Variants in NCAM2 observed in about 807,000 individuals in gnomAD.
The protein encoded by NCAM2 is N-CAM-2.
In NCAM2, 30 loss-of-function variants were observed where a neutral mutation model predicts 98.1. That is an observed-to-expected ratio of 0.31 (90% CI 0.23 to 0.41). NCAM2 has a LOEUF of 0.41. NCAM2 is among the 10% of genes least tolerant of loss of function. NCAM2 has a pLI of 1.00. For missense variants in NCAM2, 867 were observed against 1,005.8 expected, an observed-to-expected ratio of 0.86 and a Z score of 1.87; for synonymous variants, 368 against 342.4, an observed-to-expected ratio of 1.07 and a Z score of -0.83.
intron 1 of NCAM2, among the ~76,000 whole-genome samples, chr21:21,151,567 T>A (rs1332901782): frequency 6.6e-6 from 1 of 152,060 alleles, no homozygotes; most frequent in Non-Finnish European, 1.5e-5. Context: ...CTGTCAGGAT[T>A]TCCTTTCAGT....
chr21:21,059,264 C>T (rs1354430559), intron 1 of NCAM2, among the ~76,000 whole-genome samples: 1 of 151,974 alleles, frequency 6.6e-6, no homozygotes, highest in Non-Finnish European at 1.5e-5. Flanking sequence ...TCTGCAATGT[C>T]ATTTGATCCA....
intron 1 of NCAM2, among the ~76,000 whole-genome samples, chr21:21,210,034 TCCA>T (rs2069590116): frequency 6.6e-6 from 1 of 152,182 alleles, no homozygotes. Context: ...GAGCTCATAC[TCCA>T]TAATGTGTCT....
chr21:21,179,835 C>T (rs1469449861), intron 1 of NCAM2, among the ~76,000 whole-genome samples: 8 of 152,146 alleles, frequency 5.3e-5, no homozygotes, highest in Non-Finnish European at 8.8e-5. Context: ...CCACAGAGGG[C>T]GTACTCATCT....
intron 1 of NCAM2, among the ~76,000 whole-genome samples, chr21:21,259,383 T>C (rs991279508): frequency 6.6e-6 from 1 of 151,448 alleles, no homozygotes; most frequent in Admixed American, 6.6e-5. Context: ...AGTCCTGCAG[T>C]AGCAGCATGA....
Position 21,418,486 on chromosome 21 carries a change from C to A in NCAM2, c.1397C>A (p.Ser466Tyr). 6.2e-7 allele frequency: 1 copy of A among 1,607,592 alleles called. No individual in the cohort carries two copies. The change falls in exon 11 of 18, where the codon TCT (serine) becomes TAT (tyrosine). Residue 466 changes from serine to tyrosine, a missense_variant. Around this residue, in one of 5 missense-constraint regions of NCAM2, gnomAD observed 234 missense variants for 333.8 expected, o/e 0.70. Transcript: ENST00000400546. ...RKMILEIAPT[S>Y]DNDFGRYNCT... The stretch of plus-strand genomic sequence containing the variant: ...TAATTATTTCAGATTGCACCTACAT[C>A]TGACAATGACTTTGGACGCTATAAT...
intron 15 of NCAM2, among the ~76,000 whole-genome samples, chr21:21,478,230 T>G (rs1235121931): frequency 1.3e-5 from 2 of 152,172 alleles, no homozygotes; most frequent in Admixed American, 6.5e-5. Flanking sequence ...TTTCTACATT[T>G]ATTTTCCCTC....
intron 4 of NCAM2, among the ~76,000 whole-genome samples, 180 bp from the exon 5 acceptor site, chr21:21,291,924 G>A (rs1047803368): frequency 2.6e-5 from 4 of 151,024 alleles, no homozygotes; most frequent in African/African-American, 9.7e-5. Context: ...TAACAAAGCA[G>A]TGTAGAGTGG....
chr21:21,372,174 T>A lies in NCAM2; in HGVS notation c.1045-1689T>A, dbSNP rs570847356. ...TAAAATTGTCAACAAAAACTTTTAG[T>A]TGCAAATAAACTCAAGAAGTGGTTA... On this transcript the variant is annotated intron_variant, in intron 8 of 17. Transcript: ENST00000400546. Among the ~76,000 whole-genome samples, 10 of 151,908 alleles carry A rather than the reference T, an allele frequency of 6.6e-5. No homozygotes were observed. In the South Asian group the frequency reaches 2.1e-3, roughly 31 times the overall value.
intron 1 of NCAM2, among the ~76,000 whole-genome samples, chr21:21,143,763 T>C (rs930862708): frequency 5.9e-5 from 9 of 151,726 alleles, no homozygotes; most frequent in African/African-American, 2.2e-4. Context: ...TTTGGTGTCT[T>C]GTAGGCCTTT....
chr21:21,196,119 C>T (rs544215280), intron 1 of NCAM2, among the ~76,000 whole-genome samples: 1 of 152,250 alleles, frequency 6.6e-6, no homozygotes, highest in East Asian at 1.9e-4. Context: ...GGTCCTATGG[C>T]GTGGTGGACA....
intron 12 of NCAM2, among the ~76,000 whole-genome samples, chr21:21,439,387 C>A (rs1978905263): frequency 6.6e-6 from 1 of 152,142 alleles, no homozygotes; most frequent in Non-Finnish European, 1.5e-5. Context: ...CCTCAGCCTC[C>A]CAAAGTGCTG....
intron 12 of NCAM2, among the ~76,000 whole-genome samples, chr21:21,443,423 A>AT (rs1979613767): frequency 7.6e-6 from 1 of 131,186 alleles, no homozygotes; most frequent in Admixed American, 7.6e-5. Context: ...TTAAAAGTAT[A>AT]ATTTTTTTTT....
chr21:21,410,953 G>A (rs1423875287), intron 10 of NCAM2, among the ~76,000 whole-genome samples: 4 of 142,768 alleles, frequency 2.8e-5, no homozygotes, highest in African/African-American at 1.0e-4. Context: ...GTTGCAGTGA[G>A]CCGAGATCAC....
intron 9 of NCAM2, among the ~76,000 whole-genome samples, chr21:21,407,293 A>G (rs1602244101): frequency 6.6e-6 from 1 of 152,214 alleles, no homozygotes; most frequent in Non-Finnish European, 1.5e-5. Flanking sequence ...CTGTTTTATT[A>G]TAGACCGGCG....
intron 1 of NCAM2, among the ~76,000 whole-genome samples, chr21:21,235,777 A>G (rs1034591376): frequency 6.6e-6 from 1 of 152,028 alleles, no homozygotes; most frequent in South Asian, 2.1e-4. Context: ...CCCTGAATTC[A>G]GATCTCAGCT....
At chr21:21,323,276 C>T (rs1319399807) in intron 5 of NCAM2, among the ~76,000 whole-genome samples, 7 of 152,074 alleles carry the variant, frequency 4.6e-5, no homozygotes, top group Non-Finnish European at 8.8e-5. Flanking sequence ...TATTATGTTA[C>T]TTTAGAGACA....
At chr21:21,215,784 G>A (rs1351464665) in intron 1 of NCAM2, among the ~76,000 whole-genome samples, 1 of 152,046 alleles carries the variant, frequency 6.6e-6, no homozygotes, top group African/African-American at 2.4e-5. Context: ...GTACATGCAT[G>A]CATGCCTGTG....
At chr21:21,025,686 G>T (rs866855830) in intron 1 of NCAM2, among the ~76,000 whole-genome samples, 3 of 152,036 alleles carry the variant, frequency 2.0e-5, no homozygotes, top group Admixed American at 6.5e-5. Context: ...CAAAGAGGAG[G>T]CATTTTATAA....
intron 1 of NCAM2, among the ~76,000 whole-genome samples, chr21:21,229,623 T>C (rs1244330311): frequency 6.6e-6 from 1 of 151,436 alleles, no homozygotes; most frequent in African/African-American, 2.4e-5. Context: ...GGCAATTGCA[T>C]TGTAATAGTT....
Sources: allele counts gnomAD v4.1 joint callset (sites outside exome capture counted in the v4.1 genomes callset), GRCh38; gene constraint gnomAD v4.1.1; regional missense constraint gnomAD v4.1.1; transcripts MANE v1.5; gene names NCBI Gene and HGNC (gene_info 2026-07-23, HGNC 2026-07-21).